PIK3C2G: variants seen among roughly 807,000 people sequenced by gnomAD.
PIK3C2G encodes phosphatidylinositol 3-kinase C2 domain-containing subunit gamma.
In PIK3C2G, 168 loss-of-function variants were observed where a neutral mutation model predicts 181.1. The ratio of observed to expected loss-of-function variants is 0.93; its 90% CI spans 0.82 to 1.05. The LOEUF is 1.05. PIK3C2G is among the 50% of genes least tolerant of loss of function. The pLI is 0.00. For missense variants in PIK3C2G, 1,869 were observed against 1,732.8 expected (o/e 1.08, Z -1.40); for synonymous variants, 573 against 592.2 (o/e 0.97, Z 0.47).
At chr12:18,257,028 G>C (rs10770341), upstream of PIK3C2G, among the ~76,000 whole-genome samples, 1 of 151,832 alleles carries the variant, frequency 6.6e-6, no homozygotes, top group African/African-American at 2.4e-5. Context: ...CAGGGAAACA[G>C]CTTTTGCCAT....
chr12:18,554,845 T>TC (rs1436079247), intron 26 of PIK3C2G, among the ~76,000 whole-genome samples: 3 of 152,050 alleles, frequency 2.0e-5, no homozygotes, highest in Non-Finnish European at 4.4e-5. Context: ...AATTCATTGT[T>TC]CCCCTTGAAT....
chr12:18,580,132 A>G (rs1392043496), intron 29 of PIK3C2G, among the ~76,000 whole-genome samples: 1 of 114,862 alleles, frequency 8.7e-6, no homozygotes. Context: ...ACTCTGTCTC[A>G]AAAAAAAAAA....
intron 18 of PIK3C2G, among the ~76,000 whole-genome samples, chr12:18,447,938 T>C (rs1821743418): frequency 1.3e-5 from 2 of 152,136 alleles, no homozygotes; most frequent in Non-Finnish European, 2.9e-5. Context: ...TTAATGCAGA[T>C]TATGGGGGAT....
chr12:18,380,421 A>G (rs933570599), intron 13 of PIK3C2G, among the ~76,000 whole-genome samples: 21 of 152,204 alleles, frequency 1.4e-4, no homozygotes, highest in African/African-American at 5.1e-4. Flanking sequence ...CTCCTCTTGC[A>G]TTCTGCCTAA....
At chr12:18,291,057 T>A (rs1192106313) in intron 4 of PIK3C2G, 45 bp downstream of exon 4, 1 of 1,221,500 alleles carries the variant, frequency 8.2e-7, no homozygotes, top group Admixed American at 2.2e-5. Context: ...ACAAAGCTGG[T>A]ATTGGCGACG....
At chr12:18,243,323 T>A (rs188722155), upstream of PIK3C2G, among the ~76,000 whole-genome samples, 1 of 151,644 alleles carries the variant, frequency 6.6e-6, no homozygotes, top group Non-Finnish European at 1.5e-5. Flanking sequence ...GGGTAAAAAT[T>A]TTTTCAGATA....
the PIK3C2G span, among the ~76,000 whole-genome samples, chr12:18,713,390 C>T: frequency 6.6e-6 from 1 of 152,030 alleles, no homozygotes; most frequent in East Asian, 1.9e-4. Context: ...TGTTCAAAGC[C>T]CTCTCAGAAT....
intron 11 of PIK3C2G, among the ~76,000 whole-genome samples, 179 bp from the exon 12 acceptor site, chr12:18,362,585 T>C (rs1308685714): frequency 6.6e-6 from 1 of 152,250 alleles, no homozygotes; most frequent in Non-Finnish European, 1.5e-5. Context: ...TAGGGCCTCC[T>C]ATTCCACTGT....
chr12:18,522,651 T>C (rs1942994361), intron 24 of PIK3C2G, among the ~76,000 whole-genome samples: 1 of 152,112 alleles, frequency 6.6e-6, no homozygotes, highest in East Asian at 1.9e-4. Context: ...TTATATGTTG[T>C]TGCTTTTATT....
At chr12:18,651,967 C>T (rs1950539329), downstream of PIK3C2G, among the ~76,000 whole-genome samples, 1 of 152,158 alleles carries the variant, frequency 6.6e-6, no homozygotes, top group South Asian at 2.1e-4. Context: ...AAAAGCTCAT[C>T]TCTCCAGGTG....
At chr12:18,395,790 T>G (rs891149138) in intron 15 of PIK3C2G, among the ~76,000 whole-genome samples, 2 of 151,488 alleles carry the variant, frequency 1.3e-5, no homozygotes, top group Admixed American at 1.3e-4. Flanking sequence ...GGATGCATAA[T>G]GTTAATTCAT....
chr12:18,257,957 A>G (rs77647531), upstream of PIK3C2G, among the ~76,000 whole-genome samples: 20 of 152,272 alleles, frequency 1.3e-4, no homozygotes, highest in East Asian at 3.7e-3. Flanking sequence ...ACTTCTTGGT[A>G]GAACCAACTC....
At chr12:18,632,361 A>C (rs568676392) in intron 31 of PIK3C2G, among the ~76,000 whole-genome samples, 1 of 152,310 alleles carries the variant, frequency 6.6e-6, no homozygotes, top group South Asian at 2.1e-4. Flanking sequence ...CATGATAGGC[A>C]TTATTTTTAT....
chr12:18,705,321 A>G, the PIK3C2G span: 1 of 1,614,066 alleles, frequency 6.2e-7, no homozygotes, highest in Non-Finnish European at 8.5e-7. Context: ...GATGTCTAAA[A>G]AAGTAACCAT....
the PIK3C2G span, among the ~76,000 whole-genome samples, chr12:18,664,915 C>A: frequency 8.1e-5 from 12 of 147,666 alleles, no homozygotes; most frequent in African/African-American, 2.3e-4. Flanking sequence ...GGACAAAAAA[C>A]CAAATACTGC....
chr12:18,683,658 C>T, the PIK3C2G span: 1 of 1,320,268 alleles, frequency 7.6e-7, no homozygotes, highest in Non-Finnish European at 1.0e-6. Context: ...CATATTGAGA[C>T]AAGGTAATTG....
intron 18 of PIK3C2G, among the ~76,000 whole-genome samples, chr12:18,445,195 A>T (rs989135324): frequency 6.6e-6 from 1 of 152,112 alleles, no homozygotes; most frequent in African/African-American, 2.4e-5. Context: ...TTAGGAAAAT[A>T]CTTTTTAATA....
chr12:18,275,428 C>A (rs997397945), intron 1 of PIK3C2G, among the ~76,000 whole-genome samples: 1 of 152,076 alleles, frequency 6.6e-6, no homozygotes, highest in Non-Finnish European at 1.5e-5. Flanking sequence ...GTTGCCCAGG[C>A]CGGAGTGCAG....
chr12:18,332,125 A>G (rs1377395749), intron 8 of PIK3C2G, among the ~76,000 whole-genome samples: 2 of 152,140 alleles, frequency 1.3e-5, no homozygotes, highest in African/African-American at 4.8e-5. Context: ...AGATTTTGGC[A>G]TAAGAGTAAT....
Sources: allele counts gnomAD v4.1 joint callset (sites outside exome capture counted in the v4.1 genomes callset), GRCh38; gene constraint gnomAD v4.1.1; transcripts MANE v1.5; gene names NCBI Gene and HGNC (gene_info 2026-07-23, HGNC 2026-07-21).